DPP3: variants seen among roughly 807,000 people sequenced by gnomAD.
DPP3 encodes dipeptidyl peptidase 3.
DPP3 carries 64 observed loss-of-function variants against 89.8 expected under a neutral mutation model. The observed-to-expected ratio is 0.71, with a 90% CI of 0.58 to 0.88. DPP3 has a LOEUF of 0.88. Ranked by LOEUF, DPP3 falls within the 40% of genes least tolerant of loss-of-function variation. The probability of loss-of-function intolerance (pLI) is 0.00; values close to 1 mark genes in which losing one functional copy is unlikely to be tolerated. For synonymous variants in DPP3, 377 were observed against 404.3 expected (o/e 0.93, Z 0.81); for missense variants, 835 against 972.5 (o/e 0.86, Z 1.88).
At chr11:66,493,745 G>C (rs1855459120) in intron 12 of DPP3, 112 bp downstream of exon 12, 1 of 1,180,524 alleles carries the variant, frequency 8.5e-7, no homozygotes, top group African/African-American at 1.5e-5. Flanking sequence ...GCTATGGGTT[G>C]AGTGGGGAAA....
In DPP3 at chr11:66,492,848, C is replaced by T. The variant is rs1855429854; in HGVS notation, c.1121C>T (p.Thr374Ile). 1.2e-6 allele frequency: 2 copies of T among 1,614,022 alleles called. No individual in the cohort carries two copies. Among genetic ancestry groups the T allele is most frequent in the Admixed American group, 3.3e-5 (2 of 59,994 alleles). ...EKDKFLTPDF[T>I]SLDVLTFAGS... is the part of the protein sequence containing the mutation. Reference sequence around the variant, plus strand: ...GACAAGTTCCTCACCCCTGACTTCACCTCCCTGGATGTTCTCACCTTCGCT... The same window carrying T: ...GACAAGTTCCTCACCCCTGACTTCATCTCCCTGGATGTTCTCACCTTCGCT... The change falls in exon 10 of 18, where the codon ACC (threonine) becomes ATC (isoleucine). Residue 374 changes from threonine (T) to isoleucine (I), a missense_variant. Physicochemically the swap from Thr to Ile is moderately conservative, Grantham distance 89 (BLOSUM62 -1). Transcript: ENST00000531863.
intron 12 of DPP3, 28 bp downstream of exon 12, chr11:66,493,661 CCCCAGCCTACAGCTCCACT>C: frequency 6.3e-7 from 1 of 1,582,046 alleles, no homozygotes; most frequent in Non-Finnish European, 8.6e-7. Flanking sequence ...AGCCCTGGCA[CCCCAGCCTACAGCTCCACT>C]CCCCACAACC....
At chr11:66,491,145 A>C in intron 6 of DPP3, 108 bp from the exon 7 acceptor site, 1 of 1,525,342 alleles carries the variant, frequency 6.6e-7, no homozygotes, top group South Asian at 1.2e-5. Flanking sequence ...TCTTAGAGTG[A>C]AAGAGTGCTA....
chr11:66,487,831 C>T (rs1053882914), intron 5 of DPP3, 83 bp from the exon 6 acceptor site: 4 of 1,324,782 alleles, frequency 3.0e-6, no homozygotes, highest in Non-Finnish European at 4.3e-6. Context: ...TGCCTTCTCC[C>T]CTAGGGTTGA....
At chr11:66,507,560 G>C (rs555793930) in intron 17 of DPP3, among the ~76,000 whole-genome samples, 15 of 152,130 alleles carry the variant, frequency 9.9e-5, no homozygotes, top group Non-Finnish European at 1.9e-4. Context: ...TGAACACTTA[G>C]AGGAGGGAAG....
intron 16 of DPP3, among the ~76,000 whole-genome samples, chr11:66,499,823 G>A (rs774439961): frequency 1.8e-4 from 28 of 151,606 alleles, no homozygotes; most frequent in Non-Finnish European, 3.2e-4. Context: ...ACCTTTTATC[G>A]CGTTATTTTG....
At position 66,504,701 on chromosome 11, in the gene DPP3, C is replaced by T. The variant is rs774845612; in HGVS notation, c.1968C>T (p.Leu656=). 32 of 1,613,286 alleles carry T rather than the reference C, an allele frequency of 2.0e-5. No homozygotes were observed. Among genetic ancestry groups the T allele is most frequent in the Non-Finnish European group, 2.6e-5 (31 of 1,179,886 alleles). The change falls in exon 17 of 18, where the codon CTC becomes CTT. Residue 656 remains leucine, a synonymous_variant. Coordinates refer to ENST00000531863, the MANE Select transcript of DPP3 (RefSeq NM_130443.4). ...CTGATGCGCCCCCCGAGTGCTTCCT[C>T]ACCCTCAGGGACACGGTGCTGCTGC... The part of the protein sequence containing the change: ...TVTDAPPECF[L]TLRDTVLLRK...
At chr11:66,495,963 C>T (rs1011489026) in intron 15 of DPP3, among the ~76,000 whole-genome samples, 3 of 152,192 alleles carry the variant, frequency 2.0e-5, no homozygotes, top group African/African-American at 7.2e-5. Flanking sequence ...CACCATTTCA[C>T]GGTGAATCAG....
intron 16 of DPP3, among the ~76,000 whole-genome samples, chr11:66,501,825 CAAAA>C (rs35196491): frequency 1.2e-5 from 1 of 84,436 alleles, no homozygotes; most frequent in South Asian, 3.7e-4. Flanking sequence ...ACTTTGTCTC[CAAAA>C]AAAAAAAAAA....
At chr11:66,482,136 C>T in intron 1 of DPP3, 57 bp from the exon 2 acceptor site, 2 of 1,592,484 alleles carry the variant, frequency 1.3e-6, no homozygotes, top group Admixed American at 3.4e-5. Flanking sequence ...AGTTCAGAGC[C>T]AGGTATGCAA....
At chr11:66,480,844 G>A (rs1048253412) in intron 1 of DPP3, 36 of 193,856 alleles carry the variant, frequency 1.9e-4, no homozygotes, top group Middle Eastern at 1.9e-3. Flanking sequence ...TGTAAAATGG[G>A]CTTTCTTCTG....
At chr11:66,491,440 C>G in intron 7 of DPP3, 54 bp from the exon 8 acceptor site, 3 of 1,600,626 alleles carry the variant, frequency 1.9e-6, no homozygotes, top group Non-Finnish European at 8.5e-7. Context: ...GGCAGCAGAG[C>G]GGGTGTGGAG....
intron 3 of DPP3, 61 bp from the exon 4 acceptor site, chr11:66,486,479 G>C: frequency 7.0e-7 from 1 of 1,432,134 alleles, no homozygotes; most frequent in African/African-American, 1.5e-5. Flanking sequence ...AGTGGGTAGG[G>C]AGGCTCTGGA....
chr11:66,502,165 C>A (rs1855693539), intron 16 of DPP3, among the ~76,000 whole-genome samples: 2 of 152,128 alleles, frequency 1.3e-5, no homozygotes, highest in African/African-American at 4.8e-5. Flanking sequence ...GCGCTCCAGC[C>A]TGGCAACAGC....
At chr11:66,495,772 C>G in intron 15 of DPP3, 22 bp downstream of exon 15, 9 of 1,586,348 alleles carry the variant, frequency 5.7e-6, no homozygotes, top group Non-Finnish European at 7.7e-6. Context: ...GTGGAGCCCC[C>G]TGGAGGCGGA....
chr11:66,499,981 A>T (rs1226876236), intron 16 of DPP3, among the ~76,000 whole-genome samples: 4 of 152,114 alleles, frequency 2.6e-5, no homozygotes, highest in Admixed American at 6.6e-5. Flanking sequence ...TCAGGCATCC[A>T]CTACATGGTC....
chr11:66,507,197 G>A (rs1212929970), intron 17 of DPP3, among the ~76,000 whole-genome samples: 1 of 152,136 alleles, frequency 6.6e-6, no homozygotes, highest in Non-Finnish European at 1.5e-5. Context: ...GCCGGGCGCG[G>A]TGACTCACAC....
At chr11:66,507,184 G>A (rs1855822638) in intron 17 of DPP3, among the ~76,000 whole-genome samples, 1 of 151,916 alleles carries the variant, frequency 6.6e-6, no homozygotes, top group African/African-American at 2.4e-5. Flanking sequence ...ATCATACAAG[G>A]GGGCCGGGCG....
intron 16 of DPP3, among the ~76,000 whole-genome samples, chr11:66,503,255 C>T (rs1047635380): frequency 2.6e-5 from 4 of 152,182 alleles, no homozygotes; most frequent in African/African-American, 9.7e-5. Context: ...GTATGAGCCA[C>T]CGTGCCCAGC....
Sources: gnomAD v4.1 joint callset for allele counts (sites outside exome capture counted in the v4.1 genomes callset) on GRCh38, gnomAD v4.1.1 for gene constraint, MANE v1.5 for transcripts, NCBI Gene and HGNC (gene_info 2026-07-23, HGNC 2026-07-21) for gene names.